RHOD: variants seen among roughly 807,000 people sequenced by gnomAD.
RHOD encodes the protein rho-related GTP-binding protein RhoD.
In RHOD, 11 loss-of-function variants were observed where a neutral mutation model predicts 16.7. The observed-to-expected ratio is 0.66, with a 90% confidence interval of 0.41 to 1.09. RHOD has a LOEUF of 1.09. RHOD is among the 50% of genes least tolerant of loss of function. RHOD has a pLI of 0.00. For synonymous variants in RHOD, 124 were observed against 126.3 expected, an observed-to-expected ratio of 0.98 and a Z score of 0.12; for missense variants, 271 against 291.7, an observed-to-expected ratio of 0.93 and a Z score of 0.52.
chr11:67,061,820 ATGTG>A lies in RHOD; in HGVS notation c.133-4054_133-4051del, dbSNP rs372226128. On this transcript the variant is annotated intron_variant, in intron 1 of 4. Coordinates refer to ENST00000308831, the MANE Select transcript of RHOD (RefSeq NM_014578.4). Reference sequence around the variant, plus strand: ...TATATATATGTGTGTGTATATATATATGTGTGTGTGTGTGTGTGTGTGTGTATAT... The same window carrying A: ...TATATATATGTGTGTGTATATATATATGTGTGTGTGTGTGTGTGTGTATAT... Among the ~76,000 whole-genome samples, 742 of 127,050 alleles carry A rather than the reference ATGTG, an allele frequency of 5.8e-3. 8 individuals carry two copies. The highest frequency in any genetic ancestry group is 9.8e-3 in the Admixed American group (108 of 11,018). The allele number at this position is 127,050 out of a possible 152,430, so 83.3% of individuals were successfully genotyped here.
chr11:67,070,047 G>A (rs1488583801), intron 3 of RHOD, among the ~76,000 whole-genome samples: 1 of 152,098 alleles, frequency 6.6e-6, no homozygotes, highest in Non-Finnish European at 1.5e-5. Flanking sequence ...AGTTTGGTGG[G>A]TGTCCATGAG....
In RHOD at chr11:67,070,475, G is replaced by T. The variant is rs1855016112; in HGVS notation, c.381G>T (p.Val127=). 1 of 1,614,030 alleles carries T rather than the reference G, an allele frequency of 6.2e-7. No individual in the cohort carries two copies. Among genetic ancestry groups the T allele is most frequent in the South Asian group, 1.1e-5 (1 of 91,086 alleles). The part of the protein sequence containing the change: ...HFCKKVPIIV[V]GCKTDLRKDK... ...GCAAGAAGGTACCCATCATCGTCGTGGGCTGCAAGACTGACCTGCGCAAGG... is the reference window on the plus strand; with the variant it reads ...GCAAGAAGGTACCCATCATCGTCGTTGGCTGCAAGACTGACCTGCGCAAGG... Residue 127 remains valine, a synonymous_variant, in exon 4 of 5, where the codon GTG becomes GTT. Transcript: ENST00000308831.
chr11:67,059,458 G>T (rs1006068119), intron 1 of RHOD, among the ~76,000 whole-genome samples: 2 of 152,068 alleles, frequency 1.3e-5, no homozygotes, highest in Admixed American at 1.3e-4. Flanking sequence ...CAGGAGAATC[G>T]CTTGAACTCA....
chr11:67,071,665 TG>T lies in RHOD; in HGVS notation c.*66del. ...GGCGCTGACCTGCTGCTGAGCTGGC[TG>T]GGCTGGACCCGGTCCCTAGGCTGTG... On this transcript the variant is annotated 3_prime_UTR_variant, in exon 5 of 5. Transcript: ENST00000308831. 6.8e-7 allele frequency: 1 copy of T among 1,466,470 alleles called. No individual in the cohort carries two copies. Among genetic ancestry groups the T allele is most frequent in the Non-Finnish European group, 9.1e-7 (1 of 1,097,826 alleles). 90.8% of individuals were successfully genotyped at this position (1,466,470 alleles called of 1,614,324 possible).
chr11:67,063,507 TTA>T (rs1491435489), intron 1 of RHOD, among the ~76,000 whole-genome samples: 1 of 101,978 alleles, frequency 9.8e-6, no homozygotes, highest in Admixed American at 9.1e-5. Flanking sequence ...TTTTTTTTTT[TTA>T]AAAAAAGGCC....
chr11:67,064,442 C>A (rs753053468), intron 1 of RHOD, among the ~76,000 whole-genome samples: 1 of 149,304 alleles, frequency 6.7e-6, no homozygotes, highest in African/African-American at 2.5e-5. Flanking sequence ...GGAAAAAAAA[C>A]GGTAGAGGGG....
chr11:67,067,408 T>C lies in RHOD; in HGVS notation c.330+561T>C, dbSNP rs148638224. Among the ~76,000 whole-genome samples, 718 of 152,168 alleles carry C rather than the reference T, an allele frequency of 4.7e-3. 3 individuals carry two copies. Among genetic ancestry groups the C allele is most frequent in the African/African-American group, 0.016 (675 of 41,502 alleles). ...GTATTTGCAACAACAACAACAACGGTGACAATTTTAAGGACTGACCACGTG... is the reference window on the plus strand; with the variant it reads ...GTATTTGCAACAACAACAACAACGGCGACAATTTTAAGGACTGACCACGTG... On this transcript the variant is annotated intron_variant, in intron 3 of 4. Transcript: ENST00000308831.
At chr11:67,067,903 C>G (rs1324811354) in intron 3 of RHOD, among the ~76,000 whole-genome samples, 1 of 152,134 alleles carries the variant, frequency 6.6e-6, no homozygotes, top group African/African-American at 2.4e-5. Context: ...AGGTTGATAC[C>G]ATTCTCCTGC....
chr11:67,070,325 T>A, intron 3 of RHOD, 100 bp from the exon 4 acceptor site: 1 of 1,282,478 alleles, frequency 7.8e-7, no homozygotes, highest in East Asian at 2.4e-5. Context: ...ATTATCCATA[T>A]CAGAGCTCAG....
rs1855035305 is a variant in RHOD at position 67,071,769 on chromosome 11, GGGTTCCT to G, written c.*170_*176del. The stretch of plus-strand genomic sequence containing the variant: ...CCTGGGAGTCCTGGACTGAGAAAGG[GGGTTCCT>G]GGGCCCACCTGCTCTGTGTAGGGCT... On this transcript the variant is annotated 3_prime_UTR_variant, in exon 5 of 5. Transcript: ENST00000308831. 3 of 683,306 alleles carry G rather than the reference GGGTTCCT, an allele frequency of 4.4e-6. No individual in the cohort carries two copies. Among genetic ancestry groups the G allele is most frequent in the Non-Finnish European group, 7.1e-6 (3 of 421,650 alleles). 42.3% of individuals were successfully genotyped at this position (683,306 alleles called of 1,614,324 possible).
At chr11:67,063,353 C>G (rs1320829204) in intron 1 of RHOD, among the ~76,000 whole-genome samples, 1 of 151,944 alleles carries the variant, frequency 6.6e-6, no homozygotes, top group Non-Finnish European at 1.5e-5. Context: ...ATTAGCCAGG[C>G]ATGGTGGCCC....
At chr11:67,070,164 C>A in intron 3 of RHOD, 1 of 531,652 alleles carries the variant, frequency 1.9e-6, no homozygotes, top group South Asian at 1.7e-5. Flanking sequence ...CAAGTTACAT[C>A]GCCTTTCTGT....
chr11:67,069,681 A>T (rs1192337755), intron 3 of RHOD, among the ~76,000 whole-genome samples: 2 of 139,638 alleles, frequency 1.4e-5, no homozygotes, highest in African/African-American at 2.7e-5. Context: ...ATTTATTTTT[A>T]TCTTTTTAAT....
At chr11:67,058,147 C>G (rs1417961629) in intron 1 of RHOD, among the ~76,000 whole-genome samples, 8 of 152,270 alleles carry the variant, frequency 5.3e-5, no homozygotes, top group African/African-American at 1.9e-4. Flanking sequence ...AGGCGCCCAC[C>G]ACCACGCCTA....
intron 3 of RHOD, among the ~76,000 whole-genome samples, chr11:67,067,682 G>A (rs1451113228): frequency 6.6e-6 from 1 of 152,176 alleles, no homozygotes; most frequent in African/African-American, 2.4e-5. Context: ...GGGCCAGGGT[G>A]CTAGCAGTGG....
chr11:67,062,108 C>T (rs1286088812), intron 1 of RHOD, among the ~76,000 whole-genome samples: 1 of 152,114 alleles, frequency 6.6e-6, no homozygotes, highest in Non-Finnish European at 1.5e-5. Context: ...ATGAGATTTG[C>T]TTGGGGACAC....
chr11:67,056,994 C>T lies in RHOD; in HGVS notation c.92C>T (p.Thr31Met). The change falls in exon 1 of 5, where the codon ACG (threonine) becomes ATG (methionine). Residue 31 changes from threonine (T) to methionine (M), a missense_variant. Physicochemically the swap from Thr to Met is moderately conservative, Grantham distance 81. Transcript: ENST00000308831. The stretch of plus-strand genomic sequence containing the variant: ...GTGGGCGACGGCGGCTGCGGGAAGA[C>T]GTCGCTGCTGATGGTCTTCGCCGAT... ...VLVGDGGCGK[T>M]SLLMVFADGA... 2 of 1,509,468 alleles carry T rather than the reference C, an allele frequency of 1.3e-6. No individual in the cohort carries two copies. The highest frequency in any genetic ancestry group is 2.2e-5 in the Admixed American group (1 of 45,512). 93.5% of individuals were successfully genotyped at this position (1,509,468 alleles called of 1,614,324 possible).
rs556704316 is a variant in RHOD at position 67,063,668 on chromosome 11, G to A, written c.133-2228G>A. Among the ~76,000 whole-genome samples, 240 of 151,000 alleles carry A rather than the reference G, an allele frequency of 1.6e-3. 1 individual carries two copies. The highest frequency in any genetic ancestry group is 1.9e-3 in the Non-Finnish European group (132 of 67,794). ...CAAAAAATTAGCCAGGTGTGCTGGC[G>A]TGTGCTTGTAATCCCAGCTACTCAC... On this transcript the variant is annotated intron_variant, in intron 1 of 4. Coordinates refer to ENST00000308831, the MANE Select transcript of RHOD (RefSeq NM_014578.4).
chr11:67,070,287 A>C, intron 3 of RHOD, 138 bp from the exon 4 acceptor site: 1 of 886,890 alleles, frequency 1.1e-6, no homozygotes, highest in Non-Finnish European at 1.8e-6. Flanking sequence ...GGTACCAAAT[A>C]GTTTCTCCCT....
Sources: allele counts gnomAD v4.1 joint callset (sites outside exome capture counted in the v4.1 genomes callset), GRCh38; gene constraint gnomAD v4.1.1; transcripts MANE v1.5; gene names NCBI Gene and HGNC (gene_info 2026-07-23, HGNC 2026-07-21).